TSPAN2: variants seen among roughly 807,000 people sequenced by gnomAD.
TSPAN2 encodes tetraspanin-2.
In TSPAN2, 24 loss-of-function variants were observed where a neutral mutation model predicts 33.3. The observed-to-expected ratio is 0.72, with a 90% confidence interval of 0.52 to 1.01. The LOEUF (loss-of-function observed/expected upper bound fraction) is 1.01, where lower values mean the gene tolerates loss of function less well. Among genes scored for constraint, TSPAN2 ranks in the 50% least tolerant of loss-of-function variants. The probability of loss-of-function intolerance (pLI) is 0.00; values close to 1 mark genes in which losing one functional copy is unlikely to be tolerated. For synonymous variants in TSPAN2, 114 were observed against 104.5 expected (o/e 1.09, Z -0.56); for missense variants, 278 against 281.3 (o/e 0.99, Z 0.08).
chr1:115,057,404 C>G, intron 6 of TSPAN2, 133 bp downstream of exon 6: 1 of 843,416 alleles, frequency 1.2e-6, no homozygotes, highest in Non-Finnish European at 2.0e-6. Flanking sequence ...TATTCATTTT[C>G]CATCAATCCT....
intron 1 of TSPAN2, among the ~76,000 whole-genome samples, chr1:115,074,335 C>A (rs17478965): frequency 0.25 from 38,413 of 152,074 alleles, 5,505 homozygotes; most frequent in Middle Eastern, 0.38. Context: ...GACTTTATCC[C>A]TCTTCTCCTT....
At chr1:115,072,613 A>G (rs1309171016) in intron 2 of TSPAN2, among the ~76,000 whole-genome samples, 2 of 152,114 alleles carry the variant, frequency 1.3e-5, no homozygotes, top group Admixed American at 1.3e-4. Context: ...TCCTTGAAAC[A>G]AAGCACAACA....
chr1:115,057,238 A>G lies in TSPAN2; in HGVS notation c.516+299T>C, dbSNP rs571009673. ...CCTCAGCTCCATAAATGACACCATC[A>G]TCTATGTAGGTGGTGAAGCCAAAAA... On this transcript the variant is annotated intron_variant, in intron 6 of 7. Transcript: ENST00000369516. Among the ~76,000 whole-genome samples, 3 of 152,220 alleles carry G rather than the reference A, an allele frequency of 2.0e-5. No individual in the cohort carries two copies. In the East Asian group the frequency reaches 5.8e-4, roughly 29 times the overall value.
In TSPAN2 at chr1:115,080,099, A is replaced by G. The variant is rs139429309; in HGVS notation, c.70-7092T>C. 3.2e-3 allele frequency among the ~76,000 whole-genome samples: 481 copies of G among 152,304 alleles called. 3 individuals carry two copies. The highest frequency in any genetic ancestry group is 4.9e-3 in the Admixed American group (75 of 15,294). ...GGAGAAATATAAGCTCAGGGGAAGG[A>G]AACTAACTTGGGATGAAAAGCTTGC... On this transcript the variant is annotated intron_variant, in intron 1 of 7. Transcript: ENST00000369516.
intron 1 of TSPAN2, among the ~76,000 whole-genome samples, chr1:115,076,142 A>G (rs958189375): frequency 5.9e-5 from 9 of 152,196 alleles, no homozygotes; most frequent in African/African-American, 2.2e-4. Flanking sequence ...GGAATCATTA[A>G]ATTTTAATTT....
chr1:115,089,461 C>A lies in TSPAN2; in HGVS notation c.-29G>T, dbSNP rs376772473. 104 of 1,477,198 alleles carry A rather than the reference C, an allele frequency of 7.0e-5. No homozygotes were observed. In the East Asian group the frequency reaches 2.5e-3, roughly 35 times the overall value. The allele number at this position is 1,477,198 out of a possible 1,614,324, so 91.5% of individuals were successfully genotyped here. On this transcript the variant is annotated 5_prime_UTR_variant, in exon 1 of 8. Coordinates refer to ENST00000369516, the MANE Select transcript of TSPAN2 (RefSeq NM_005725.6). ...GCGGCCCGGCGGCGGGATCCCCAGT[C>A]CCCAGGCCCGCGCTACGAGCGCGGG... is the stretch of plus-strand genomic sequence containing the variant.
chr1:115,069,340 T>C (rs1370617771), intron 2 of TSPAN2, among the ~76,000 whole-genome samples: 2 of 152,210 alleles, frequency 1.3e-5, no homozygotes, highest in Admixed American at 1.3e-4. Context: ...ACGGTGGGCA[T>C]GAAGCCCAGG....
Position 115,049,081 on chromosome 1 carries a change from T to C in TSPAN2, c.*1409A>G, listed in dbSNP as rs1162089612. 1 of 152,168 alleles carries C rather than the reference T, an allele frequency of 6.6e-6. No individual in the cohort carries two copies. Among genetic ancestry groups the C allele is most frequent in the African/African-American group, 2.4e-5 (1 of 41,442 alleles). 9.4% of individuals were successfully genotyped at this position (152,168 alleles called of 1,614,324 possible). ...CCAAAGCCTTCCGTATTTTCACTTATGTGTGGCCTTACAAAATGTAGTTTT... is the reference window on the plus strand; with the variant it reads ...CCAAAGCCTTCCGTATTTTCACTTACGTGTGGCCTTACAAAATGTAGTTTT... On this transcript the variant is annotated 3_prime_UTR_variant, in exon 8 of 8. Coordinates refer to ENST00000369516, the MANE Select transcript of TSPAN2 (RefSeq NM_005725.6).
chr1:115,058,777 GC>G (rs2101026460), intron 5 of TSPAN2, 105 bp downstream of exon 5: 1 of 1,005,752 alleles, frequency 9.9e-7, no homozygotes, highest in East Asian at 2.4e-5. Flanking sequence ...GTGCTACTTG[GC>G]TTTACTGAAT....
chr1:115,053,351 A>C (rs2101021287), intron 7 of TSPAN2, 28 bp downstream of exon 7: 1 of 1,607,258 alleles, frequency 6.2e-7, no homozygotes, highest in Non-Finnish European at 8.5e-7. Context: ...TTAGAGGGCA[A>C]AAAGGGTAAG....
At chr1:115,055,429 AT>A (rs1647363366) in intron 6 of TSPAN2, among the ~76,000 whole-genome samples, 1 of 152,032 alleles carries the variant, frequency 6.6e-6, no homozygotes, top group African/African-American at 2.4e-5. Context: ...CCCTTAGGTC[AT>A]TCTTTATATT....
intron 4 of TSPAN2, 104 bp downstream of exon 4, chr1:115,060,360 A>G (rs1647665122): frequency 1.1e-6 from 1 of 940,634 alleles, no homozygotes; most frequent in African/African-American, 1.7e-5. Context: ...GTTCTGTTTA[A>G]ACTATAATAA....
At chr1:115,063,464 T>C (rs959174443) in intron 2 of TSPAN2, among the ~76,000 whole-genome samples, 5 of 152,198 alleles carry the variant, frequency 3.3e-5, no homozygotes, top group African/African-American at 1.2e-4. Flanking sequence ...CTTTATACAA[T>C]GTTGCGAATG....
At chr1:115,072,462 T>G (rs1648218638) in intron 2 of TSPAN2, among the ~76,000 whole-genome samples, 1 of 152,188 alleles carries the variant, frequency 6.6e-6, no homozygotes, top group South Asian at 2.1e-4. Flanking sequence ...GATCACAAAA[T>G]AAAATCCTAC....
At chr1:115,068,062 C>A (rs1229176713) in intron 2 of TSPAN2, among the ~76,000 whole-genome samples, 6 of 152,316 alleles carry the variant, frequency 3.9e-5, no homozygotes, top group South Asian at 2.1e-4. Context: ...GTCACTCCTG[C>A]CAGGTCCTCT....
intron 1 of TSPAN2, among the ~76,000 whole-genome samples, chr1:115,077,638 CA>C (rs200047142): frequency 6.6e-6 from 1 of 151,832 alleles, no homozygotes; most frequent in Non-Finnish European, 1.5e-5. Flanking sequence ...GGCTATCTGC[CA>C]AAAAAAAGTC....
chr1:115,089,319 A>G, intron 1 of TSPAN2, 45 bp downstream of exon 1: 1 of 1,088,414 alleles, frequency 9.2e-7, no homozygotes, highest in Non-Finnish European at 1.3e-6. Context: ...CGCGCCCGCC[A>G]CCCGGCCCCC....
chr1:115,053,513 C>A, intron 6 of TSPAN2, 51 bp from the exon 7 acceptor site: 3 of 1,454,712 alleles, frequency 2.1e-6, no homozygotes, highest in South Asian at 2.3e-5. Context: ...ATGTGTCAGT[C>A]ATTATCCTGA....
In TSPAN2 at chr1:115,089,385, A is replaced by T; in HGVS notation, c.48T>A (p.Leu16=). ...GGLRCIKYLL[L]GFNLLFWLAG... is the part of the protein sequence containing the mutation. ...TCACCCAGAAGAGCAGGTTGAAGCC[A>T]AGCAGCAGGTACTTGATGCACCGCA... is the stretch of plus-strand genomic sequence containing the variant. Residue 16 remains leucine, a synonymous_variant, in exon 1 of 8, where the codon CTT becomes CTA. Coordinates refer to ENST00000369516, the MANE Select transcript of TSPAN2 (RefSeq NM_005725.6). 11 of 1,596,154 alleles carry T rather than the reference A, an allele frequency of 6.9e-6. No homozygotes were observed. Among genetic ancestry groups the T allele is most frequent in the Non-Finnish European group, 9.4e-6 (11 of 1,172,752 alleles).
Sources: gnomAD v4.1 joint callset for allele counts (sites outside exome capture counted in the v4.1 genomes callset) on GRCh38, gnomAD v4.1.1 for gene constraint, MANE v1.5 for transcripts, NCBI Gene and HGNC (gene_info 2026-07-23, HGNC 2026-07-21) for gene names.